The following SPATA16 variants were observed in gnomAD, a reference collection of about 807,000 sequenced individuals.
SPATA16 encodes spermatogenesis associated 16.
A neutral mutation model predicts 63.3 loss-of-function variants in SPATA16; 36 were observed. The observed-to-expected ratio is 0.57, with a 90% CI of 0.44 to 0.75. SPATA16 has a LOEUF of 0.75. SPATA16 is among the 30% of genes least tolerant of loss of function. SPATA16 has a pLI of 0.00. For synonymous variants in SPATA16, 203 were observed against 216.7 expected (o/e 0.94, Z 0.56); for missense variants, 646 against 679.3 (o/e 0.95, Z 0.54).
chr3:172,902,250 C>G (rs1407622256), intron 10 of SPATA16, among the ~76,000 whole-genome samples: 1 of 152,010 alleles, frequency 6.6e-6, no homozygotes, highest in Non-Finnish European at 1.5e-5. Context: ...CTATGTTGGC[C>G]GGGCTGGCCT....
chr3:172,892,905 A>G (rs1731923607), intron 10 of SPATA16, among the ~76,000 whole-genome samples: 1 of 152,186 alleles, frequency 6.6e-6, no homozygotes. Context: ...TTGTGTATAT[A>G]TGCGCCAATG....
chr3:173,020,379 G>A (rs139192572), intron 3 of SPATA16, among the ~76,000 whole-genome samples: 58 of 152,234 alleles, frequency 3.8e-4, no homozygotes, highest in African/African-American at 1.4e-3. Context: ...TCCCAGCTGG[G>A]TGTAAGAGAA....
chr3:172,993,756 C>T (rs548951476), intron 4 of SPATA16, among the ~76,000 whole-genome samples: 67 of 152,206 alleles, frequency 4.4e-4, no homozygotes, highest in Non-Finnish European at 1.6e-4. Flanking sequence ...CTTTGCTTTT[C>T]TTCTCTTTCC....
chr3:172,983,363 T>G (rs1734366101), intron 4 of SPATA16, among the ~76,000 whole-genome samples: 1 of 151,922 alleles, frequency 6.6e-6, no homozygotes. Context: ...GTTTTGTGGT[T>G]GCTTTTCCAA....
At chr3:173,105,355 G>A (rs755077736) in intron 2 of SPATA16, among the ~76,000 whole-genome samples, 1 of 152,108 alleles carries the variant, frequency 6.6e-6, no homozygotes, top group Non-Finnish European at 1.5e-5. Flanking sequence ...CATTAAAATT[G>A]TTCTCGCCAA....
chr3:173,139,975 A>G (rs1179371760), intron 1 of SPATA16, among the ~76,000 whole-genome samples: 1 of 145,748 alleles, frequency 6.9e-6, no homozygotes, highest in Non-Finnish European at 1.5e-5. Context: ...ACAGAGCAAG[A>G]CTCTGTCTCA....
intron 4 of SPATA16, among the ~76,000 whole-genome samples, chr3:173,006,270 G>A (rs985716082): frequency 6.6e-6 from 1 of 152,196 alleles, no homozygotes; most frequent in African/African-American, 2.4e-5. Flanking sequence ...CTTCCAGTGT[G>A]TAAATGTATG....
intron 2 of SPATA16, among the ~76,000 whole-genome samples, chr3:173,082,453 G>A (rs73044980): frequency 0.17 from 25,702 of 152,088 alleles, 2,296 homozygotes; most frequent in East Asian, 0.24. Flanking sequence ...AACTTCAGAA[G>A]GGGGCTTTTC....
chr3:172,893,031 A>G (rs1731927177), intron 10 of SPATA16, among the ~76,000 whole-genome samples: 1 of 152,238 alleles, frequency 6.6e-6, no homozygotes, highest in South Asian at 2.1e-4. Flanking sequence ...GTTCTGACCC[A>G]TCATATGACT....
intron 5 of SPATA16, among the ~76,000 whole-genome samples, chr3:172,958,789 ACG>A (rs112762479): frequency 3.3e-5 from 5 of 151,540 alleles, no homozygotes; most frequent in African/African-American, 1.2e-4. Context: ...GTGTGCACGC[ACG>A]TGTGTGTGTG....
chr3:172,935,429 T>G (rs897020828), intron 6 of SPATA16, among the ~76,000 whole-genome samples: 1 of 152,334 alleles, frequency 6.6e-6, no homozygotes, highest in Non-Finnish European at 1.5e-5. Flanking sequence ...AATGGTTTGA[T>G]CCATAATAGA....
chr3:173,086,707 G>T (rs529826375), intron 2 of SPATA16, among the ~76,000 whole-genome samples: 131 of 152,120 alleles, frequency 8.6e-4, no homozygotes, highest in Admixed American at 3.7e-3. Context: ...CACTGCTTTA[G>T]CTGTGTCCCA....
At chr3:172,986,425 T>G (rs1451548185) in intron 4 of SPATA16, among the ~76,000 whole-genome samples, 1 of 152,144 alleles carries the variant, frequency 6.6e-6, no homozygotes, top group Admixed American at 6.5e-5. Flanking sequence ...GGAGGAAATA[T>G]AATTATATAA....
intron 6 of SPATA16, among the ~76,000 whole-genome samples, chr3:172,929,656 T>C (rs533691126): frequency 2.6e-5 from 4 of 152,264 alleles, no homozygotes; most frequent in East Asian, 3.9e-4. Context: ...ACTGATACTC[T>C]CTTCATACAT....
intron 3 of SPATA16, among the ~76,000 whole-genome samples, chr3:173,041,617 A>G (rs58463690): frequency 0.077 from 11,717 of 152,174 alleles, 1,422 homozygotes; most frequent in African/African-American, 0.26. Context: ...ATATTTGTTC[A>G]TATCAAAAAA....
intron 3 of SPATA16, among the ~76,000 whole-genome samples, chr3:173,029,645 G>A (rs1426885369): frequency 6.6e-6 from 1 of 152,030 alleles, no homozygotes; most frequent in African/African-American, 2.4e-5. Flanking sequence ...AAAAAGACTT[G>A]TCTTTCCTTC....
At chr3:172,952,938 CAAAAAAAA>C (rs60404306) in intron 6 of SPATA16, among the ~76,000 whole-genome samples, 1 of 78,042 alleles carries the variant, frequency 1.3e-5, no homozygotes. Flanking sequence ...GACTCCATCT[CAAAAAAAA>C]AAAAAAAAAA....
chr3:173,009,042 C>T (rs1264662376), intron 4 of SPATA16, among the ~76,000 whole-genome samples: 1 of 152,102 alleles, frequency 6.6e-6, no homozygotes, highest in Non-Finnish European at 1.5e-5. Context: ...TTCTACTGAA[C>T]TCATTCATTT....
intron 3 of SPATA16, among the ~76,000 whole-genome samples, chr3:173,023,916 G>C (rs938872230): frequency 5.3e-5 from 8 of 150,430 alleles, no homozygotes; most frequent in Non-Finnish European, 1.2e-4. Context: ...TATATAAAAT[G>C]TATAGAATAA....
Sources: gnomAD v4.1 joint callset for allele counts (sites outside exome capture counted in the v4.1 genomes callset) on GRCh38, gnomAD v4.1.1 for gene constraint, MANE v1.5 for transcripts, NCBI Gene and HGNC (gene_info 2026-07-23, HGNC 2026-07-21) for gene names.